The following DRD3 variants were observed in gnomAD, a reference collection of about 807,000 sequenced individuals.
The protein encoded by DRD3 is dopamine receptor D3, also known as D(3) dopamine receptor.
In DRD3, 19 loss-of-function variants were observed where a neutral mutation model predicts 36.3. The observed-to-expected ratio is 0.52, with a 90% CI of 0.36 to 0.77. The LOEUF (loss-of-function observed/expected upper bound fraction) is 0.77. Among genes scored for constraint, DRD3 ranks in the 30% least tolerant of loss-of-function variants. The pLI is 0.00. For missense variants in DRD3, 465 were observed against 505.3 expected, an observed-to-expected ratio of 0.92 and a Z score of 0.77; for synonymous variants, 195 against 203.7, an observed-to-expected ratio of 0.96 and a Z score of 0.36.
intron 3 of DRD3, among the ~76,000 whole-genome samples, chr3:114,159,492 G>A (rs2077712534): frequency 6.6e-6 from 1 of 152,006 alleles, no homozygotes; most frequent in Admixed American, 6.5e-5. Context: ...AACCCCAAAG[G>A]ATGGTGGAAA....
intron 3 of DRD3, among the ~76,000 whole-genome samples, chr3:114,147,919 G>A (rs112436694): frequency 2.6e-5 from 4 of 152,192 alleles, no homozygotes; most frequent in East Asian, 1.9e-4. Context: ...GATTACAGGC[G>A]TGAGCCACCA....
intron 1 of DRD3, among the ~76,000 whole-genome samples, chr3:114,197,573 T>A (rs958253068): frequency 6.6e-6 from 1 of 151,378 alleles, no homozygotes; most frequent in Non-Finnish European, 1.5e-5. Flanking sequence ...TTTAGTATTA[T>A]CAGGTTTTAA....
upstream of DRD3, chr3:114,179,189 T>C (rs2077931118): frequency 6.6e-6 from 1 of 152,200 alleles, no homozygotes; most frequent in Non-Finnish European, 1.5e-5. Flanking sequence ...TAATTGCCTT[T>C]CCAGATTTTG....
intron 5 of DRD3, among the ~76,000 whole-genome samples, chr3:114,134,307 AGGCT>A (rs1213648718): frequency 6.6e-6 from 1 of 152,212 alleles, no homozygotes; most frequent in East Asian, 1.9e-4. Flanking sequence ...TATGTTGGCC[AGGCT>A]GGTCTCAAAT....
At chr3:114,150,269 C>G (rs2077605165) in intron 3 of DRD3, among the ~76,000 whole-genome samples, 2 of 152,270 alleles carry the variant, frequency 1.3e-5, no homozygotes, top group African/African-American at 4.8e-5. Flanking sequence ...CCCTGGGCAA[C>G]TCAATCTTGC....
At chr3:114,145,742 CA>C in intron 4 of DRD3, among the ~76,000 whole-genome samples, 1 of 152,212 alleles carries the variant, frequency 6.6e-6, no homozygotes, top group Non-Finnish European at 1.5e-5. Context: ...TAAAGATATA[CA>C]TGGTTTTATT....
intron 3 of DRD3, among the ~76,000 whole-genome samples, chr3:114,148,869 T>C (rs1050191226): frequency 6.6e-6 from 1 of 152,062 alleles, no homozygotes; most frequent in Non-Finnish European, 1.5e-5. Context: ...CCTGCCAACA[T>C]GCCTGGCTAA....
At chr3:114,185,937 A>G (rs540190173) in intron 1 of DRD3, among the ~76,000 whole-genome samples, 4 of 152,306 alleles carry the variant, frequency 2.6e-5, no homozygotes, top group African/African-American at 9.6e-5. Context: ...GAAGTTAATA[A>G]TGTGGTAACT....
intron 2 of DRD3, among the ~76,000 whole-genome samples, chr3:114,167,000 T>A (rs1366858024): frequency 6.6e-6 from 1 of 152,200 alleles, no homozygotes; most frequent in African/African-American, 2.4e-5. Context: ...GTGGTAAAAC[T>A]TTCCTTTAAA....
chr3:114,140,287 G>A (rs745609195), intron 4 of DRD3, among the ~76,000 whole-genome samples: 1 of 152,216 alleles, frequency 6.6e-6, no homozygotes, highest in South Asian at 2.1e-4. Context: ...GCACTTGTCA[G>A]AGGTGGGATG....
At chr3:114,145,762 G>A (rs1233084715) in intron 4 of DRD3, among the ~76,000 whole-genome samples, 1 of 152,086 alleles carries the variant, frequency 6.6e-6, no homozygotes, top group Admixed American at 6.5e-5. Context: ...TTATAACCCT[G>A]CAGAGTAATA....
rs142077582 is a variant in DRD3, at chr3:114,128,353, T to A, written c.*363A>T. Among the ~76,000 whole-genome samples, 13 of 152,314 alleles carry A rather than the reference T, an allele frequency of 8.5e-5. No homozygotes were observed. The East Asian group carries it at 2.5e-3, about 29-fold the overall frequency. ...TTCTAGAAGGTGGTTTACTGGCTGATTTCAAGGACCCCTGCAAGTTGAGAA... is the reference window on the plus strand; with the variant it reads ...TTCTAGAAGGTGGTTTACTGGCTGAATTCAAGGACCCCTGCAAGTTGAGAA... On this transcript the variant is annotated 3_prime_UTR_variant, in exon 7 of 7. Transcript: ENST00000383673.
At chr3:114,196,925 G>A (rs2078038014) in intron 1 of DRD3, among the ~76,000 whole-genome samples, 1 of 150,510 alleles carries the variant, frequency 6.6e-6, no homozygotes, top group Non-Finnish European at 1.5e-5. Context: ...CCCAGTCTAT[G>A]TCTGTCTTTT....
At chr3:114,144,183 C>T (rs993241593) in intron 4 of DRD3, among the ~76,000 whole-genome samples, 2 of 152,258 alleles carry the variant, frequency 1.3e-5, no homozygotes, top group African/African-American at 4.8e-5. Context: ...ACAGGAGCAA[C>T]TCCAAGTTGG....
chr3:114,188,256 C>A (rs2077986695), intron 1 of DRD3, among the ~76,000 whole-genome samples: 2 of 145,902 alleles, frequency 1.4e-5, no homozygotes, highest in Non-Finnish European at 3.0e-5. Context: ...CTCTGTCACC[C>A]ATGCTAGAGT....
upstream of DRD3, among the ~76,000 whole-genome samples, chr3:114,182,795 T>G (rs1038727942): frequency 5.3e-5 from 8 of 152,174 alleles, no homozygotes; most frequent in Non-Finnish European, 8.8e-5. Context: ...AGCATAATGT[T>G]CTCAAAATTC....
upstream of DRD3, among the ~76,000 whole-genome samples, chr3:114,180,462 A>G (rs1438760752): frequency 6.6e-6 from 1 of 152,086 alleles, no homozygotes; most frequent in Non-Finnish European, 1.5e-5. Flanking sequence ...AAGAAGAGGC[A>G]CCAGAAATGT....
intron 1 of DRD3, among the ~76,000 whole-genome samples, chr3:114,184,513 T>G (rs2077964705): frequency 6.6e-6 from 1 of 152,106 alleles, no homozygotes; most frequent in Non-Finnish European, 1.5e-5. Flanking sequence ...TTTATTGAGC[T>G]CTTTGTTTCT....
intron 2 of DRD3, among the ~76,000 whole-genome samples, chr3:114,167,622 G>A (rs1448498224): frequency 6.6e-6 from 1 of 152,180 alleles, no homozygotes; most frequent in African/African-American, 2.4e-5. Flanking sequence ...ATATGCCCAA[G>A]TGAAGGCTCC....
Sources: gnomAD v4.1 joint callset for allele counts (sites outside exome capture counted in the v4.1 genomes callset) on GRCh38, gnomAD v4.1.1 for gene constraint, MANE v1.5 for transcripts, NCBI Gene and HGNC (gene_info 2026-07-23, HGNC 2026-07-21) for gene names.